The following GALNT14 variants were observed in gnomAD, a reference collection of about 807,000 sequenced individuals.
GALNT14 encodes the protein UDP-GalNAc:polypeptide N-acetylgalactosaminyltransferase 14.
Under a neutral mutation model 77.5 loss-of-function variants are expected in GALNT14, and 60 were observed. The observed-to-expected ratio is 0.77, with a 90% confidence interval of 0.63 to 0.96. GALNT14 has a LOEUF of 0.96. Among genes scored for constraint, GALNT14 ranks in the 40% least tolerant of loss-of-function variants. GALNT14 has a pLI of 0.00. For missense variants in GALNT14, 710 were observed against 731.0 expected (o/e 0.97, Z 0.33); for synonymous variants, 280 against 281.7 (o/e 0.99, Z 0.06).
the GALNT14 span, among the ~76,000 whole-genome samples, chr2:30,901,432 G>GTA: frequency 1.3e-5 from 2 of 151,712 alleles, no homozygotes; most frequent in African/African-American, 4.8e-5. Flanking sequence ...ATGCCTATAT[G>GTA]TATACACACA....
chr2:31,126,504 C>T (rs1447979337), intron 1 of GALNT14, among the ~76,000 whole-genome samples: 3 of 152,120 alleles, frequency 2.0e-5, no homozygotes, highest in Non-Finnish European at 4.4e-5. Flanking sequence ...GAATGCCGGC[C>T]GTGCAGTGTT....
chr2:31,066,901 G>T (rs73921442), intron 1 of GALNT14, among the ~76,000 whole-genome samples: 280 of 152,288 alleles, frequency 1.8e-3, no homozygotes, highest in African/African-American at 6.6e-3. Flanking sequence ...TCCAGACCCA[G>T]CCAAGCTGGG....
intron 1 of GALNT14, among the ~76,000 whole-genome samples, chr2:31,096,507 T>C (rs1386333481): frequency 6.6e-6 from 1 of 152,150 alleles, no homozygotes; most frequent in Non-Finnish European, 1.5e-5. Flanking sequence ...AACAGAGTCA[T>C]TAAAAGATGA....
intron 1 of GALNT14, among the ~76,000 whole-genome samples, chr2:31,023,864 C>T (rs926535405): frequency 1.3e-5 from 2 of 152,172 alleles, no homozygotes; most frequent in African/African-American, 4.8e-5. Context: ...CAGCACCCTA[C>T]CTGACCTCAT....
chr2:30,943,846 C>A (rs1666523547), intron 8 of GALNT14, among the ~76,000 whole-genome samples: 2 of 152,290 alleles, frequency 1.3e-5, no homozygotes, highest in South Asian at 4.1e-4. Context: ...AGGTCCTACC[C>A]CACAGTAGAG....
chr2:31,049,435 G>A (rs1404032821), intron 1 of GALNT14, among the ~76,000 whole-genome samples: 1 of 152,204 alleles, frequency 6.6e-6, no homozygotes, highest in Non-Finnish European at 1.5e-5. Flanking sequence ...TCAGCTCCCT[G>A]GTCACCAGGG....
intron 1 of GALNT14, among the ~76,000 whole-genome samples, chr2:31,103,085 C>T (rs975457611): frequency 2.0e-5 from 3 of 152,046 alleles, no homozygotes; most frequent in African/African-American, 7.2e-5. Flanking sequence ...TGAAACTCTT[C>T]TTAAAAAGTA....
At chr2:30,975,431 T>C (rs964809465) in intron 2 of GALNT14, among the ~76,000 whole-genome samples, 2 of 152,224 alleles carry the variant, frequency 1.3e-5, no homozygotes, top group African/African-American at 2.4e-5. Flanking sequence ...AATGGAGATA[T>C]GCTGTAAATG....
rs1469071868 is a variant in GALNT14, at chr2:30,985,051, CCCACTAGGCCAT to C, written c.299+7775_299+7786del. Among the ~76,000 whole-genome samples the C allele has an allele frequency of 2.2e-4, 3 of 13,658 alleles. No homozygotes were observed. The African/African-American group carries it at 5.3e-3, about 24-fold the overall frequency. 9.0% of individuals were successfully genotyped at this position (13,658 alleles called of 152,430 possible). On this transcript the variant is annotated intron_variant, in intron 2 of 14. Coordinates refer to ENST00000349752, the MANE Select transcript of GALNT14 (RefSeq NM_024572.4). ...CCCACTAGGCCATGAGCTCCTAGGG[CCCACTAGGCCAT>C]GAGTGGAGACTAGTTCCTAACACAG... is the stretch of plus-strand genomic sequence containing the variant.
intron 1 of GALNT14, chr2:31,129,484 C>T: frequency 1.0e-6 from 1 of 985,452 alleles, no homozygotes; most frequent in Non-Finnish European, 1.2e-6. Context: ...ATTCAGCACC[C>T]AGCTGGCAGC....
At chr2:31,123,096 G>A (rs990882304) in intron 1 of GALNT14, among the ~76,000 whole-genome samples, 5 of 149,902 alleles carry the variant, frequency 3.3e-5, no homozygotes, top group South Asian at 2.1e-4. Flanking sequence ...GTAGGAGGAC[G>A]GCATGAACTC....
At chr2:30,914,260 C>A (rs911374670) in intron 13 of GALNT14, among the ~76,000 whole-genome samples, 2 of 152,156 alleles carry the variant, frequency 1.3e-5, no homozygotes, top group Admixed American at 6.5e-5. Context: ...CAAGTGGCCC[C>A]CACACCAACT....
chr2:30,912,712 A>G (rs779737449), intron 13 of GALNT14, among the ~76,000 whole-genome samples: 5 of 152,128 alleles, frequency 3.3e-5, no homozygotes, highest in Non-Finnish European at 7.4e-5. Flanking sequence ...AGCACTTGAC[A>G]TTTCAAGCAG....
the GALNT14 span, among the ~76,000 whole-genome samples, chr2:30,896,817 T>C: frequency 6.6e-6 from 1 of 152,044 alleles, no homozygotes; most frequent in African/African-American, 2.4e-5. Context: ...TCTTCTCCTC[T>C]GTCTCCCACA....
At chr2:31,125,703 C>A (rs1302903592) in intron 1 of GALNT14, among the ~76,000 whole-genome samples, 1 of 152,222 alleles carries the variant, frequency 6.6e-6, no homozygotes, top group African/African-American at 2.4e-5. Context: ...ATCTAATTAG[C>A]AGTCAATCCA....
At chr2:31,065,620 C>T (rs1674897337) in intron 1 of GALNT14, among the ~76,000 whole-genome samples, 1 of 152,180 alleles carries the variant, frequency 6.6e-6, no homozygotes. Context: ...TGCACACCTT[C>T]CTGCCTGGTC....
At chr2:31,108,125 G>A (rs1558574070) in intron 1 of GALNT14, among the ~76,000 whole-genome samples, 1 of 152,102 alleles carries the variant, frequency 6.6e-6, no homozygotes, top group Non-Finnish European at 1.5e-5. Context: ...AGCAAACATA[G>A]GCTCCCCAGC....
chr2:31,008,320 T>A (rs1045074732), intron 1 of GALNT14, among the ~76,000 whole-genome samples: 2 of 152,078 alleles, frequency 1.3e-5, no homozygotes, highest in Admixed American at 6.6e-5. Context: ...TGGTCTCAAA[T>A]TCCTGGCCTC....
rs369105060 is a variant in GALNT14 at position 30,999,217 on chromosome 2, C to G, written c.130-6210G>C. ...ACATGCCACTGCCCCATGGACATCC[C>G]TCCTGGGTCCAGCTAGTGACACAGA... On this transcript the variant is annotated intron_variant, in intron 1 of 14. Transcript: ENST00000349752. Among the ~76,000 whole-genome samples the G allele has an allele frequency of 2.6e-5, 4 of 152,214 alleles. No individual in the cohort carries two copies. The South Asian group carries it at 8.3e-4, about 32-fold the overall frequency.
Sources: allele counts gnomAD v4.1 joint callset (sites outside exome capture counted in the v4.1 genomes callset), GRCh38; gene constraint gnomAD v4.1.1; transcripts MANE v1.5; gene names NCBI Gene and HGNC (gene_info 2026-07-23, HGNC 2026-07-21).